TPTE: variants seen among roughly 807,000 people sequenced by gnomAD.
TPTE encodes transmembrane phosphatase with tensin homology.
TPTE carries 59 observed loss-of-function variants against 84.1 expected under a neutral mutation model. The ratio of observed to expected loss-of-function variants is 0.70; its 90% CI spans 0.57 to 0.87. The LOEUF (loss-of-function observed/expected upper bound fraction) is 0.87. Ranked by LOEUF, TPTE falls within the 40% of genes least tolerant of loss-of-function variation. TPTE has a pLI of 0.00. For missense variants in TPTE, 382 were observed against 659.6 expected (o/e 0.58, Z 4.61); for synonymous variants, 130 against 223.5 (o/e 0.58, Z 3.73).
At chr21:10,592,805 G>GGTTGTGTGTGTGTGTGT (rs1555820854) in intron 19 of TPTE, among the ~76,000 whole-genome samples, 243 of 148,800 alleles carry the variant, frequency 1.6e-3, no homozygotes, top group African/African-American at 5.9e-3. Context: ...GATGACTCCT[G>GGTTGTGTGTGTGTGTGT]GTGTGTGTGT....
At chr21:10,563,340 A>G (rs959070893) in intron 10 of TPTE, among the ~76,000 whole-genome samples, 5 of 152,430 alleles carry the variant, frequency 3.3e-5, no homozygotes, top group East Asian at 3.8e-4. Flanking sequence ...AATAGTAGGT[A>G]TACAGAAAAA....
chr21:10,549,826 C>T (rs1222400100), intron 7 of TPTE, among the ~76,000 whole-genome samples: 74 of 152,388 alleles, frequency 4.9e-4, no homozygotes, highest in African/African-American at 1.1e-3. Context: ...ACATCTAGTT[C>T]CAGGAAGATC....
chr21:10,522,880 CA>C (rs1233056546), intron 1 of TPTE, among the ~76,000 whole-genome samples: 11 of 152,306 alleles, frequency 7.2e-5, no homozygotes, highest in African/African-American at 2.7e-4. Context: ...TAAGAATATT[CA>C]AAATCCTCTT....
chr21:10,600,298 C>T (rs1290432578), intron 21 of TPTE, among the ~76,000 whole-genome samples: 1 of 152,302 alleles, frequency 6.6e-6, no homozygotes, highest in Non-Finnish European at 1.5e-5. Flanking sequence ...TGCTACCACA[C>T]CTGGCTAATT....
intron 2 of TPTE, among the ~76,000 whole-genome samples, chr21:10,526,324 A>G (rs1327329981): frequency 5.3e-5 from 8 of 152,308 alleles, no homozygotes; most frequent in African/African-American, 7.2e-5. Flanking sequence ...GACTAGCACA[A>G]TATTAATGTC....
intron 3 of TPTE, among the ~76,000 whole-genome samples, chr21:10,527,745 A>G (rs2074105550): frequency 2.6e-5 from 4 of 152,304 alleles, no homozygotes; most frequent in African/African-American, 9.6e-5. Flanking sequence ...GAGCTAAGAG[A>G]CCCTGTATCT....
intron 20 of TPTE, among the ~76,000 whole-genome samples, chr21:10,597,467 T>C (rs2075610193): frequency 6.6e-6 from 1 of 151,388 alleles, no homozygotes; most frequent in Admixed American, 6.6e-5. Context: ...CAGGCTGGAG[T>C]GCAGTGGTGT....
chr21:10,601,959 A>T, intron 21 of TPTE, 99 bp from the exon 22 acceptor site: 1 of 1,359,334 alleles, frequency 7.4e-7, no homozygotes, highest in Admixed American at 1.8e-5. Context: ...TGAGACCAAA[A>T]GTACTTGATA....
rs776072767 is a variant in TPTE at position 10,542,380 on chromosome 21, CTT to C, written c.66-14_66-13del. 5.6e-6 allele frequency: 9 copies of C among 1,610,308 alleles called. No homozygotes were observed. Among genetic ancestry groups the C allele is most frequent in the Non-Finnish European group, 7.6e-6 (9 of 1,177,302 alleles). On this transcript the variant is annotated splice_polypyrimidine_tract_variant and intron_variant, in intron 5 of 23. Coordinates refer to ENST00000618007, the MANE Select transcript of TPTE (RefSeq NM_199261.4). ...TATGTCTCCTCTCTGACTGTTTTCTCTTATCATCCACTAGTCCACAGACAAGT... is the reference window on the plus strand; with the variant it reads ...TATGTCTCCTCTCTGACTGTTTTCTCATCATCCACTAGTCCACAGACAAGT...
intron 14 of TPTE, among the ~76,000 whole-genome samples, chr21:10,573,963 G>T (rs1423091596): frequency 5.2e-5 from 8 of 152,382 alleles, no homozygotes; most frequent in Admixed American, 5.2e-4. Context: ...CTACCAGTCT[G>T]GATTCAAGGA....
At chr21:10,557,735 A>AT (rs577049186) in intron 8 of TPTE, among the ~76,000 whole-genome samples, 1,019 of 149,738 alleles carry the variant, frequency 6.8e-3, no homozygotes, top group African/African-American at 0.017. Context: ...TCAAAGGCCA[A>AT]TTTTTTTTTT....
At chr21:10,522,576 G>T (rs2074002062) in intron 1 of TPTE, among the ~76,000 whole-genome samples, 1 of 152,310 alleles carries the variant, frequency 6.6e-6, no homozygotes, top group Non-Finnish European at 1.5e-5. Context: ...GTTTTAATCT[G>T]CATTTCTCTA....
intron 7 of TPTE, among the ~76,000 whole-genome samples, chr21:10,543,609 T>C (rs2074412235): frequency 6.6e-6 from 1 of 152,310 alleles, no homozygotes; most frequent in Non-Finnish European, 1.5e-5. Flanking sequence ...GAGTGTTTTT[T>C]AACAGGGTTT....
chr21:10,525,403 T>G (rs1203074210), intron 2 of TPTE, among the ~76,000 whole-genome samples: 2 of 152,422 alleles, frequency 1.3e-5, no homozygotes, highest in East Asian at 3.9e-4. Context: ...CCAGGAACGT[T>G]TAGGAAGATT....
At chr21:10,552,412 G>C (rs899048535) in intron 7 of TPTE, among the ~76,000 whole-genome samples, 1 of 152,296 alleles carries the variant, frequency 6.6e-6, no homozygotes, top group African/African-American at 2.4e-5. Context: ...TATATAGAAA[G>C]AGACAGAGAG....
intron 3 of TPTE, among the ~76,000 whole-genome samples, chr21:10,530,958 G>GT (rs1261503606): frequency 6.6e-6 from 1 of 152,306 alleles, no homozygotes; most frequent in African/African-American, 2.4e-5. Flanking sequence ...GATTTCTTCT[G>GT]TAATGGTCCA....
intron 10 of TPTE, among the ~76,000 whole-genome samples, chr21:10,562,733 G>T (rs1204148079): frequency 7.2e-5 from 11 of 152,288 alleles, no homozygotes; most frequent in Admixed American, 4.6e-4. Flanking sequence ...ACAAAGGAAA[G>T]AATAAAAAAC....
At chr21:10,536,598 A>G (rs892939704) in intron 3 of TPTE, among the ~76,000 whole-genome samples, 7 of 152,182 alleles carry the variant, frequency 4.6e-5, no homozygotes, top group African/African-American at 1.4e-4. Flanking sequence ...AGAAAGAGAA[A>G]AGAGAGAGAG....
chr21:10,532,631 A>G (rs903636050), intron 3 of TPTE, among the ~76,000 whole-genome samples: 6 of 152,310 alleles, frequency 3.9e-5, no homozygotes, highest in Non-Finnish European at 5.9e-5. Flanking sequence ...ATGCTTATAT[A>G]TTGGTAAATT....
Sources: allele counts gnomAD v4.1 joint callset (sites outside exome capture counted in the v4.1 genomes callset), GRCh38; gene constraint gnomAD v4.1.1; transcripts MANE v1.5; gene names NCBI Gene and HGNC (gene_info 2026-07-23, HGNC 2026-07-21).